The following OPRM1 variants were observed in gnomAD, a reference collection of about 807,000 sequenced individuals.
The protein encoded by OPRM1 is opioid receptor mu 1.
In OPRM1, 27 loss-of-function variants were observed where a neutral mutation model predicts 31.8. The observed-to-expected ratio is 0.85, with a 90% CI of 0.63 to 1.17. The LOEUF (loss-of-function observed/expected upper bound fraction) is 1.17, where lower values mean the gene tolerates loss of function less well. OPRM1 is among the 50% of genes most tolerant of loss of function. OPRM1 has a pLI of 0.00. For missense variants in OPRM1, 536 were observed against 511.1 expected (o/e 1.05, Z -0.47); for synonymous variants, 196 against 189.9 (o/e 1.03, Z -0.26).
rs141174267 is a variant in OPRM1 at position 154,236,131 on chromosome 6, T to C, written c.1165-10562T>C. ...GGCATTATTCACAATAGCCAAAAGG[T>C]AGAAGCGACCCAAGTGTCTGTCAAC... On this transcript the variant is annotated intron_variant, in intron 3 of 3. Transcript: ENST00000337049. Among the ~76,000 whole-genome samples, 974 of 152,158 alleles carry C rather than the reference T, an allele frequency of 6.4e-3. 12 individuals carry two copies. Among genetic ancestry groups the C allele is most frequent in the African/African-American group, 0.023 (936 of 41,514 alleles).
chr6:154,016,748 C>T (rs1778024883), intron 1 of OPRM1, among the ~76,000 whole-genome samples: 1 of 152,184 alleles, frequency 6.6e-6, no homozygotes. Flanking sequence ...TACACAACAG[C>T]TATGTTGGCA....
rs1790892764 is a variant in OPRM1, at chr6:154,087,522, T to C, written c.291-2304T>C. The C allele has an allele frequency of 3.0e-6, 3 of 985,332 alleles. No homozygotes were observed. The South Asian group carries it at 1.4e-4, about 46-fold the overall frequency. The allele number at this position is 985,332 out of a possible 1,614,324, so 61.0% of individuals were successfully genotyped here. A position where few individuals can be genotyped will look rare whatever the true frequency, so the allele number is the denominator to read the frequency against. On this transcript the variant is annotated intron_variant, in intron 1 of 3. Transcript: ENST00000330432. ...GCTCTCAAATCCACATCCTCCGGATTAGGTCCATTTTCAGACAAGCTCCTC... is the reference window on the plus strand; with the variant it reads ...GCTCTCAAATCCACATCCTCCGGATCAGGTCCATTTTCAGACAAGCTCCTC...
At chr6:154,159,773 C>T in intron 3 of OPRM1, 2 of 1,377,334 alleles carry the variant, frequency 1.5e-6, no homozygotes, top group African/African-American at 1.5e-5. Context: ...GCTTTTGCAA[C>T]ATCTTGAAGA....
intron 3 of OPRM1, among the ~76,000 whole-genome samples, chr6:154,144,748 C>CAAAAAAAAAAAA (rs58367883): frequency 2.8e-5 from 2 of 70,506 alleles, no homozygotes; most frequent in Non-Finnish European, 5.4e-5. Context: ...GACTCTGTCT[C>CAAAAAAAAAAAA]AAAAAAAAAA....
rs180856714 is a variant in OPRM1, at chr6:154,096,322, A to C, written c.1164+4850A>C. On this transcript the variant is annotated intron_variant, in intron 3 of 3. Coordinates refer to ENST00000330432, the MANE Select transcript of OPRM1 (RefSeq NM_000914.5). ...TGATCCGCCCACCTCAGCCTCCCAA[A>C]GTGCTGAGATTCCAGACGTGAGCCC... Among the ~76,000 whole-genome samples, 32 of 152,298 alleles carry C rather than the reference A, an allele frequency of 2.1e-4. No homozygotes were observed. The East Asian group carries it at 6.0e-3, about 28-fold the overall frequency.
chr6:154,113,517 G>A (rs1174769279), intron 3 of OPRM1, among the ~76,000 whole-genome samples: 3 of 152,106 alleles, frequency 2.0e-5, no homozygotes, highest in Non-Finnish European at 1.5e-5. Flanking sequence ...AAGCTCTATG[G>A]GCAGGGTCGC....
chr6:154,085,336 A>C (rs1790274398), intron 1 of OPRM1, among the ~76,000 whole-genome samples: 1 of 152,228 alleles, frequency 6.6e-6, no homozygotes, highest in African/African-American at 2.4e-5. Context: ...AGTTCCATAA[A>C]AATCACTCTA....
intron 3 of OPRM1, chr6:154,221,433 T>C: frequency 1.2e-6 from 1 of 840,924 alleles, no homozygotes; most frequent in Admixed American, 2.6e-5. Flanking sequence ...TTGTCTGCTT[T>C]CTTTGTAAAT....
Position 154,168,081 on chromosome 6 carries a change from C to T in OPRM1, c.1164+76609C>T. The T allele has an allele frequency of 6.4e-7, 1 of 1,570,034 alleles. No individual in the cohort carries two copies. Among genetic ancestry groups the T allele is most frequent in the Non-Finnish European group, 8.7e-7 (1 of 1,150,372 alleles). ...TGCTCTAATGATTTGTACAGCTTCT[C>T]CATTTCATCATCTTCAGACACTTTT... On this transcript the variant is annotated intron_variant, in intron 3 of 3. Transcript: ENST00000337049. This position sits in a 1 kb window ranked among gnomAD's most constrained non-coding sequence, Gnocchi z 4.1.
At chr6:154,212,829 C>T (rs1434633225) in intron 3 of OPRM1, 2 of 1,613,288 alleles carry the variant, frequency 1.2e-6, no homozygotes, top group East Asian at 4.5e-5. Flanking sequence ...ATTTCTGGAT[C>T]TTCCTGTTCA....
intron 3 of OPRM1, among the ~76,000 whole-genome samples, chr6:154,185,452 C>T (rs1269002007): frequency 6.6e-6 from 1 of 152,094 alleles, no homozygotes; most frequent in Non-Finnish European, 1.5e-5. Flanking sequence ...CATCACTTGC[C>T]CCCAAACTTT....
chr6:154,224,493 C>T (rs900038564), intron 3 of OPRM1, among the ~76,000 whole-genome samples: 7 of 151,994 alleles, frequency 4.6e-5, no homozygotes, highest in African/African-American at 9.7e-5. Flanking sequence ...GGATCACTTG[C>T]GGTGAGGTGT....
At chr6:154,093,381 C>G in intron 3 of OPRM1, 1 of 1,614,140 alleles carries the variant, frequency 6.2e-7, no homozygotes, top group Non-Finnish European at 8.5e-7. Flanking sequence ...AGCTATCCTT[C>G]ACTCGTCCTG....
At chr6:154,046,395 A>G (rs1043642813) in intron 1 of OPRM1, among the ~76,000 whole-genome samples, 1 of 152,300 alleles carries the variant, frequency 6.6e-6, no homozygotes, top group African/African-American at 2.4e-5. Context: ...TGTGCCATGT[A>G]AAGGAAATAA....
chr6:154,052,633 C>T (rs1240533954), intron 1 of OPRM1, among the ~76,000 whole-genome samples: 1 of 152,144 alleles, frequency 6.6e-6, no homozygotes. Context: ...CTGGGTTCTG[C>T]CCACAAGCTG....
At chr6:154,143,073 C>T (rs1798262727) in intron 3 of OPRM1, among the ~76,000 whole-genome samples, 1 of 152,178 alleles carries the variant, frequency 6.6e-6, no homozygotes, top group African/African-American at 2.4e-5. Context: ...AATAGAGTCT[C>T]ATTTCTAATA....
At chr6:154,154,071 C>T (rs1798617630) in intron 3 of OPRM1, among the ~76,000 whole-genome samples, 1 of 152,170 alleles carries the variant, frequency 6.6e-6, no homozygotes, top group African/African-American at 2.4e-5. Flanking sequence ...ACAAAGAAGA[C>T]AGAAGGTGGA....
intron 1 of OPRM1, among the ~76,000 whole-genome samples, chr6:154,056,202 C>A (rs1783253325): frequency 6.6e-6 from 1 of 152,052 alleles, no homozygotes; most frequent in African/African-American, 2.4e-5. Context: ...CGGCTCACTG[C>A]AACCTCCGCC....
intron 3 of OPRM1, among the ~76,000 whole-genome samples, chr6:154,222,570 A>G (rs994984165): frequency 6.6e-6 from 1 of 152,236 alleles, no homozygotes; most frequent in Middle Eastern, 3.2e-3. Flanking sequence ...CTGGGTTTAC[A>G]GCCAGCCCGC....
Sources: allele counts gnomAD v4.1 joint callset (sites outside exome capture counted in the v4.1 genomes callset), GRCh38; gene constraint gnomAD v4.1.1; non-coding constraint Gnocchi (gnomAD v3.1); transcripts MANE v1.5; gene names NCBI Gene and HGNC (gene_info 2026-07-23, HGNC 2026-07-21).